AFF3: variants seen among roughly 807,000 people sequenced by gnomAD.
AFF3 encodes ALF transcription elongation factor 3.
Under a neutral mutation model 129.7 loss-of-function variants are expected in AFF3, and 32 were observed. The ratio of observed to expected loss-of-function variants is 0.25; its 90% CI spans 0.19 to 0.33. The LOEUF is 0.33. Ranked by LOEUF, AFF3 falls within the 10% of genes least tolerant of loss-of-function variation. AFF3 has a pLI of 1.00. For missense variants in AFF3, 1,373 were observed against 1,592.0 expected (o/e 0.86, Z 2.34); for synonymous variants, 644 against 635.4 (o/e 1.01, Z -0.20).
chr2:99,663,366 G>T (rs1320363298), intron 12 of AFF3, among the ~76,000 whole-genome samples: 1 of 152,186 alleles, frequency 6.6e-6, no homozygotes, highest in African/African-American at 2.4e-5. Flanking sequence ...TTTGTGCTCA[G>T]AGCAACCTCA....
At chr2:99,583,367 A>T (rs1169826226) in intron 16 of AFF3, among the ~76,000 whole-genome samples, 2 of 152,180 alleles carry the variant, frequency 1.3e-5, no homozygotes, top group African/African-American at 4.8e-5. Flanking sequence ...TCAATCAACA[A>T]CAATAAATGA....
chr2:99,559,434 C>G (rs940443193), intron 21 of AFF3, among the ~76,000 whole-genome samples: 1 of 152,190 alleles, frequency 6.6e-6, no homozygotes, highest in Non-Finnish European at 1.5e-5. Context: ...ACAACAAAAA[C>G]ACTATGCTGG....
At chr2:99,792,153 C>T (rs1416839281) in intron 8 of AFF3, among the ~76,000 whole-genome samples, 1 of 152,108 alleles carries the variant, frequency 6.6e-6, no homozygotes, top group Non-Finnish European at 1.5e-5. Flanking sequence ...TTCAGTATGA[C>T]TCTGTAAAAC....
Position 99,565,588 on chromosome 2 carries a change from T to C in AFF3, c.3018A>G (p.Glu1006=). 6.2e-7 allele frequency: 1 copy of C among 1,614,224 alleles called. No individual in the cohort carries two copies. The highest frequency in any genetic ancestry group is 8.5e-7 in the Non-Finnish European group (1 of 1,180,020). The change falls in exon 20 of 25, where the codon GAA becomes GAG. Residue 1006 remains glutamate (E), a synonymous_variant. Transcript: ENST00000672756. Reference sequence around the variant, plus strand: ...CACACTCGATAAACGACAATGCTGCTTCAGCATAGTTCAAAGCCTTTCCAA... The same window carrying C: ...CACACTCGATAAACGACAATGCTGCCTCAGCATAGTTCAAAGCCTTTCCAA... The part of the protein sequence containing the change: ...EKFGKALNYA[E]AALSFIECGN...
intron 7 of AFF3, among the ~76,000 whole-genome samples, chr2:99,911,742 T>C (rs1013080131): frequency 1.3e-5 from 2 of 152,144 alleles, no homozygotes; most frequent in Admixed American, 6.5e-5. Flanking sequence ...AAGGAAAGAC[T>C]TGTATCAAAA....
At chr2:99,722,936 AAC>A (rs1339059771) in intron 11 of AFF3, among the ~76,000 whole-genome samples, 8 of 152,170 alleles carry the variant, frequency 5.3e-5, no homozygotes, top group African/African-American at 1.9e-4. Flanking sequence ...AAGCTATATA[AAC>A]ATAGTTCTCA....
chr2:99,680,614 T>A (rs1396663829), intron 11 of AFF3, among the ~76,000 whole-genome samples: 3 of 152,178 alleles, frequency 2.0e-5, no homozygotes, highest in African/African-American at 7.2e-5. Flanking sequence ...AATCAGTAAA[T>A]AAGTAAGTTA....
rs141075433 is a variant in AFF3 at position 99,869,572 on chromosome 2, T to C, written c.874-32048A>G. ...ACAGGACTTTGACTGATAAGTAATA[T>C]TGAAAAATAATTACTCAAACATGCC... On this transcript the variant is annotated intron_variant, in intron 7 of 24. Transcript: ENST00000672756. Among the ~76,000 whole-genome samples, 9 of 152,276 alleles carry C rather than the reference T, an allele frequency of 5.9e-5. No homozygotes were observed. The South Asian group carries it at 8.3e-4, about 14-fold the overall frequency.
At chr2:99,607,585 C>T (rs915176545) in intron 13 of AFF3, among the ~76,000 whole-genome samples, 1 of 151,940 alleles carries the variant, frequency 6.6e-6, no homozygotes, top group Admixed American at 6.6e-5. Context: ...ATCTCACAGT[C>T]AAGGGTGCTC....
chr2:99,858,199 A>T (rs955134217), intron 7 of AFF3, among the ~76,000 whole-genome samples: 1 of 152,180 alleles, frequency 6.6e-6, no homozygotes, highest in African/African-American at 2.4e-5. Flanking sequence ...AGCTGGGCCC[A>T]ACCAGTTCCA....
At chr2:100,031,813 G>A (rs192987746) in intron 4 of AFF3, among the ~76,000 whole-genome samples, 281 of 152,260 alleles carry the variant, frequency 1.8e-3, no homozygotes, top group Non-Finnish European at 2.3e-3. Flanking sequence ...GAGTCCACAC[G>A]GTAAATAAAT....
At chr2:100,103,541 G>T (rs1311484004) in intron 4 of AFF3, among the ~76,000 whole-genome samples, 1 of 148,142 alleles carries the variant, frequency 6.8e-6, no homozygotes, top group Admixed American at 6.7e-5. Context: ...AGAAAGAAGG[G>T]GGAATAAGAC....
chr2:100,034,223 T>C (rs1684733011), intron 4 of AFF3, among the ~76,000 whole-genome samples: 1 of 152,198 alleles, frequency 6.6e-6, no homozygotes, highest in South Asian at 2.1e-4. Flanking sequence ...TTTATTCAAC[T>C]TGTCAATCAG....
At chr2:99,998,854 C>T (rs1449133839) in intron 7 of AFF3, among the ~76,000 whole-genome samples, 2 of 152,162 alleles carry the variant, frequency 1.3e-5, no homozygotes, top group African/African-American at 2.4e-5. Flanking sequence ...GGAAACAGCA[C>T]CCCATGGGGC....
chr2:99,957,188 T>C (rs1676740022), intron 7 of AFF3, among the ~76,000 whole-genome samples: 1 of 151,150 alleles, frequency 6.6e-6, no homozygotes, highest in Non-Finnish European at 1.5e-5. Context: ...TGTGCGTGTG[T>C]GTGTGTGCGC....
chr2:99,931,976 C>G (rs1414616841), intron 7 of AFF3, among the ~76,000 whole-genome samples: 3 of 152,184 alleles, frequency 2.0e-5, no homozygotes, highest in African/African-American at 7.2e-5. Flanking sequence ...GTTATGTGCC[C>G]TAGTCTGCCC....
intron 11 of AFF3, among the ~76,000 whole-genome samples, chr2:99,705,648 T>C (rs769428236): frequency 2.6e-5 from 4 of 151,702 alleles, no homozygotes; most frequent in Non-Finnish European, 4.4e-5. Context: ...CCAAGGTGGG[T>C]GGATCACCTG....
chr2:99,848,676 A>G (rs1689913791), intron 7 of AFF3, among the ~76,000 whole-genome samples: 1 of 152,238 alleles, frequency 6.6e-6, no homozygotes, highest in Non-Finnish European at 1.5e-5. Flanking sequence ...ATAAACACCC[A>G]TAAGAGCAGT....
In AFF3 at chr2:99,973,286, T is replaced by C. The variant is rs1446096426; in HGVS notation, c.873+33346A>G. ...TGCAGCTAAAAAGCATTCCACCTGC[T>C]CCCTAGCAAAGGACTTCTTTGTTAA... On this transcript the variant is annotated intron_variant, in intron 7 of 24. Transcript: ENST00000672756. 2.0e-5 allele frequency among the ~76,000 whole-genome samples: 3 copies of C among 152,114 alleles called. No individual in the cohort carries two copies. In the East Asian group the frequency reaches 5.8e-4, roughly 29 times the overall value.
Sources: allele counts gnomAD v4.1 joint callset (sites outside exome capture counted in the v4.1 genomes callset), GRCh38; gene constraint gnomAD v4.1.1; transcripts MANE v1.5; gene names NCBI Gene and HGNC (gene_info 2026-07-23, HGNC 2026-07-21).